Variants in TPD52 observed in about 807,000 individuals in gnomAD.
TPD52 encodes tumor protein D52.
A neutral mutation model predicts 31.3 loss-of-function variants in TPD52; 17 were observed. The ratio of observed to expected loss-of-function variants is 0.54; its 90% CI spans 0.37 to 0.82. The LOEUF is 0.82. Among genes scored for constraint, TPD52 ranks in the 40% least tolerant of loss-of-function variants. The pLI is 0.00. For synonymous variants in TPD52, 83 were observed against 89.6 expected (o/e 0.93, Z 0.42); for missense variants, 212 against 240.1 (o/e 0.88, Z 0.77).
chr8:80,130,338 C>T (rs542807140), intron 1 of TPD52, among the ~76,000 whole-genome samples: 2 of 152,308 alleles, frequency 1.3e-5, no homozygotes, highest in Admixed American at 6.5e-5. Context: ...TGTCATTACA[C>T]GGCTTAAAAT....
At chr8:80,166,123 G>A (rs1410134251) in intron 1 of TPD52, among the ~76,000 whole-genome samples, 1 of 152,132 alleles carries the variant, frequency 6.6e-6, no homozygotes, top group Non-Finnish European at 1.5e-5. Context: ...TTCGAGACCA[G>A]CCTGGACTAC....
At chr8:80,086,117 G>GTTTTTTTTTT (rs1366202183) in intron 1 of TPD52, among the ~76,000 whole-genome samples, 1 of 88,870 alleles carries the variant, frequency 1.1e-5, no homozygotes, top group Non-Finnish European at 2.1e-5. Context: ...TTTTTTTTTA[G>GTTTTTTTTTT]TTTTTTTTTT....
chr8:80,131,348 T>C (rs1207724214), intron 1 of TPD52, among the ~76,000 whole-genome samples: 1 of 152,258 alleles, frequency 6.6e-6, no homozygotes, highest in African/African-American at 2.4e-5. Flanking sequence ...TATTAATCAC[T>C]GTATACATAT....
At chr8:80,096,720 T>C (rs1816771887) in intron 1 of TPD52, among the ~76,000 whole-genome samples, 1 of 152,180 alleles carries the variant, frequency 6.6e-6, no homozygotes, top group Non-Finnish European at 1.5e-5. Flanking sequence ...CCATACAGGA[T>C]GGCAAACTCA....
intron 2 of TPD52, among the ~76,000 whole-genome samples, chr8:80,060,548 GATATCACAAGAAAACAGCAGCCC>G (rs1812403186): frequency 1.3e-5 from 2 of 151,296 alleles, no homozygotes; most frequent in African/African-American, 4.9e-5. Context: ...GCCAGAGAAT[GATATCACAAGAAAACAGCAGCCC>G]ATATCTCCTA....
chr8:80,150,177 G>A (rs775047861), intron 1 of TPD52, among the ~76,000 whole-genome samples: 49 of 152,226 alleles, frequency 3.2e-4, no homozygotes, highest in Non-Finnish European at 6.8e-4. Context: ...TCCAACTGTG[G>A]CTTCAGAGGG....
intron 1 of TPD52, among the ~76,000 whole-genome samples, chr8:80,170,163 C>T (rs936830533): frequency 6.6e-6 from 1 of 152,088 alleles, no homozygotes; most frequent in Non-Finnish European, 1.5e-5. Flanking sequence ...ACCTGTAATC[C>T]CAGCACTTTG....
chr8:80,040,488 C>A (rs537940008), intron 7 of TPD52, among the ~76,000 whole-genome samples: 33 of 152,220 alleles, frequency 2.2e-4, no homozygotes, highest in South Asian at 4.1e-4. Context: ...CTGCGCCCAG[C>A]CAACATATTG....
intron 1 of TPD52, among the ~76,000 whole-genome samples, chr8:80,160,758 G>A (rs1811288733): frequency 6.6e-6 from 1 of 151,836 alleles, no homozygotes; most frequent in Non-Finnish European, 1.5e-5. Flanking sequence ...GTAAATAACT[G>A]GCTGGACACG....
At chr8:80,083,707 A>G (rs1815513607) in intron 1 of TPD52, among the ~76,000 whole-genome samples, 1 of 152,106 alleles carries the variant, frequency 6.6e-6, no homozygotes, top group African/African-American at 2.4e-5. Flanking sequence ...AGTCTCAGGT[A>G]TTTCCCCATA....
chr8:80,069,926 A>T (rs1350119728), intron 1 of TPD52, among the ~76,000 whole-genome samples: 2 of 152,196 alleles, frequency 1.3e-5, no homozygotes, highest in Non-Finnish European at 2.9e-5. Flanking sequence ...CTAGTTCTAG[A>T]CTATAAAGTC....
At chr8:80,166,271 C>T (rs946479992) in intron 1 of TPD52, among the ~76,000 whole-genome samples, 6 of 152,014 alleles carry the variant, frequency 3.9e-5, no homozygotes, top group African/African-American at 1.4e-4. Context: ...CAAATTGGTG[C>T]CATTGCACTC....
intron 1 of TPD52, among the ~76,000 whole-genome samples, chr8:80,083,047 G>T (rs1296008202): frequency 6.6e-6 from 1 of 152,104 alleles, no homozygotes; most frequent in Non-Finnish European, 1.5e-5. Context: ...GGAAAAGCAT[G>T]GGATGGGTTA....
chr8:80,062,022 G>A (rs943794093), intron 2 of TPD52, among the ~76,000 whole-genome samples: 3 of 152,156 alleles, frequency 2.0e-5, no homozygotes, highest in Non-Finnish European at 4.4e-5. Context: ...AACTGAACGC[G>A]AGCCCTATCA....
At chr8:80,044,923 T>C (rs998911862) in intron 5 of TPD52, among the ~76,000 whole-genome samples, 25 of 152,246 alleles carry the variant, frequency 1.6e-4, no homozygotes, top group African/African-American at 6.0e-4. Flanking sequence ...GCGCTTATGA[T>C]TTCCTTTTCT....
chr8:80,124,509 C>T (rs970684873), intron 1 of TPD52, among the ~76,000 whole-genome samples: 2 of 152,132 alleles, frequency 1.3e-5, no homozygotes, highest in Non-Finnish European at 2.9e-5. Context: ...TGGTCTTAGT[C>T]TGGACCTAGA....
chr8:80,033,546 T>C (rs533042529), downstream of TPD52, among the ~76,000 whole-genome samples: 19 of 152,110 alleles, frequency 1.2e-4, no homozygotes, highest in Non-Finnish European at 2.6e-4. Flanking sequence ...GTCACCACTC[T>C]TCTCTCCTGC....
intron 1 of TPD52, among the ~76,000 whole-genome samples, chr8:80,080,082 G>A (rs1423877969): frequency 6.6e-6 from 1 of 152,180 alleles, no homozygotes; most frequent in African/African-American, 2.4e-5. Context: ...GAGAAGTCTA[G>A]TGATCGCATA....
chr8:80,037,897 CTAAA>C lies in TPD52; in HGVS notation c.*215_*218del, dbSNP rs1810019956. 1 of 473,882 alleles carries C rather than the reference CTAAA, an allele frequency of 2.1e-6. No homozygotes were observed. The highest frequency in any genetic ancestry group is 3.6e-6 in the Non-Finnish European group (1 of 276,792). 29.4% of individuals were successfully genotyped at this position (473,882 alleles called of 1,614,324 possible). ...ATAAGTGTTTTTATAATGGTGTTTC[CTAAA>C]TAAAGGAACATAAATGTACACTAAA... On this transcript the variant is annotated 3_prime_UTR_variant, in exon 8 of 8. Coordinates refer to ENST00000518937, the MANE Select transcript of TPD52 (RefSeq NM_001025253.3).
Sources: allele counts gnomAD v4.1 joint callset (sites outside exome capture counted in the v4.1 genomes callset), GRCh38; gene constraint gnomAD v4.1.1; transcripts MANE v1.5; gene names NCBI Gene and HGNC (gene_info 2026-07-23, HGNC 2026-07-21).